Variants in CD84 observed in about 807,000 individuals in gnomAD.
CD84 encodes the protein SLAM family member 5.
A neutral mutation model predicts 33.8 loss-of-function variants in CD84; 22 were observed. The observed-to-expected ratio is 0.65, with a 90% CI of 0.46 to 0.93. CD84 has a LOEUF of 0.93. Among genes scored for constraint, CD84 ranks in the 40% least tolerant of loss-of-function variants. The pLI is 0.00. For missense variants in CD84, 400 were observed against 397.6 expected, an observed-to-expected ratio of 1.01 and a Z score of -0.05; for synonymous variants, 154 against 145.2, an observed-to-expected ratio of 1.06 and a Z score of -0.44.
Position 160,553,448 on chromosome 1 carries a change from C to T in CD84, c.690G>A (p.Leu230=), listed in dbSNP as rs761037395. The change falls in exon 4 of 7, where the codon CTG becomes CTA. Residue 230 remains leucine, a synonymous_variant. Coordinates refer to ENST00000368054, the MANE Select transcript of CD84 (RefSeq NM_003874.4). ...TGAGAACAAGCAGAAAGAACATAGCCAGCACGCTCAGCAACCCGGTGTGGT... is the reference window on the plus strand; with the variant it reads ...TGAGAACAAGCAGAAAGAACATAGCTAGCACGCTCAGCAACCCGGTGTGGT... ...RTHHTGLLSV[L]AMFFLLVLIL... 1.2e-5 allele frequency: 20 copies of T among 1,613,906 alleles called. No individual in the cohort carries two copies. The highest frequency in any genetic ancestry group is 4.0e-5 in the African/African-American group (3 of 74,866).
At chr1:160,576,439 C>G (rs921413915) in intron 1 of CD84, among the ~76,000 whole-genome samples, 1 of 152,136 alleles carries the variant, frequency 6.6e-6, no homozygotes, top group Admixed American at 6.5e-5. Context: ...GCCTCACTGC[C>G]CTGCCTAAAC....
intron 2 of CD84, among the ~76,000 whole-genome samples, chr1:160,562,596 A>G (rs1657051803): frequency 6.6e-6 from 1 of 152,212 alleles, no homozygotes. Context: ...ACTTAAATGT[A>G]AAGCCCCAAA....
At chr1:160,565,782 G>C (rs766021505) in intron 1 of CD84, 37 bp from the exon 2 acceptor site, 1 of 1,483,124 alleles carries the variant, frequency 6.7e-7, no homozygotes, top group Non-Finnish European at 9.0e-7. Context: ...CCATCTGACT[G>C]TTGCAGCTTT....
rs59102444 is a variant in CD84, at chr1:160,553,261, G to T, written c.760+117C>A. ...TCTGGGAGGTGGTGGGGTGGAGATC[G>T]GAAAAAGGCAGATTCCCTGGAACAA... On this transcript the variant is annotated intron_variant, in intron 4 of 6. Coordinates refer to ENST00000368054, the MANE Select transcript of CD84 (RefSeq NM_003874.4). 9.7e-3 allele frequency: 15,031 copies of T among 1,550,884 alleles called. 1,167 individuals carry two copies. The African/African-American group carries it at 0.17, about 18-fold the overall frequency.
chr1:160,549,977 C>A lies in CD84; in HGVS notation c.861G>T (p.Val287=), dbSNP rs1656092002. 2 of 1,608,532 alleles carry A rather than the reference C, an allele frequency of 1.2e-6. No homozygotes were observed. Among genetic ancestry groups the A allele is most frequent in the African/African-American group, 1.3e-5 (1 of 74,622 alleles). ...RIYDEILQSK[V]LPSKEEPVNT... ...TCACTGGCTCTTCCTTGGAGGGAAG[C>A]ACCTGTAAAACACACATCTTCCCCT... is the stretch of plus-strand genomic sequence containing the variant. The change falls in exon 6 of 7, where the codon GTG becomes GTT. Residue 287 remains valine (V), a splice_region_variant and synonymous_variant. Coordinates refer to ENST00000368054, the MANE Select transcript of CD84 (RefSeq NM_003874.4).
In CD84 at chr1:160,546,021, C is replaced by A. The variant is rs546671570; in HGVS notation, c.*2235G>T. ...TTTTTTTTCGAGATGGAGTCTCACT[C>A]TGTCTCTCCCAGGCTGGAGTGCAGT... is the stretch of plus-strand genomic sequence containing the variant. On this transcript the variant is annotated 3_prime_UTR_variant, in exon 7 of 7. Coordinates refer to ENST00000368054, the MANE Select transcript of CD84 (RefSeq NM_003874.4). The A allele has an allele frequency of 6.7e-6, 1 of 150,008 alleles. No homozygotes were observed. Among genetic ancestry groups the A allele is most frequent in the Non-Finnish European group, 1.5e-5 (1 of 67,554 alleles). 9.3% of individuals were successfully genotyped at this position (150,008 alleles called of 1,614,324 possible). A position where few individuals can be genotyped will look rare whatever the true frequency, so the allele number is the denominator to read the frequency against.
At chr1:160,552,811 G>T in intron 4 of CD84, 1 of 1,158,754 alleles carries the variant, frequency 8.6e-7, no homozygotes, top group South Asian at 1.3e-5. Flanking sequence ...TGATTGGTGG[G>T]AAAAGGAAGT....
chr1:160,574,330 G>C (rs1030685500), intron 1 of CD84, among the ~76,000 whole-genome samples: 8 of 151,980 alleles, frequency 5.3e-5, no homozygotes, highest in African/African-American at 1.9e-4. Flanking sequence ...ATTCTATACT[G>C]TTTGTGAAGA....
rs765931708 is a variant in CD84, at chr1:160,579,407, G to C, written c.31C>G (p.Leu11Val). Reference sequence around the variant, plus strand: ...CAGAACTCACAGGTTTGCAGGCAAAGGAGCAAGATCCATAGGTGGTGCTGA... The same window carrying C: ...CAGAACTCACAGGTTTGCAGGCAAACGAGCAAGATCCATAGGTGGTGCTGA... MAQHHLWILL[L>V]CLQTWPEAAG... The change falls in exon 1 of 7, where the codon CTT (leucine) becomes GTT (valine). Residue 11 changes from leucine (L) to valine (V), a missense_variant. Physicochemically the swap from Leu to Val is conservative, Grantham distance 32. Coordinates refer to ENST00000368054, the MANE Select transcript of CD84 (RefSeq NM_003874.4). The C allele has an allele frequency of 6.2e-7, 1 of 1,613,152 alleles. No homozygotes were observed.
chr1:160,550,602 A>G (rs1656143869), intron 5 of CD84: 12 of 984,566 alleles, frequency 1.2e-5, no homozygotes, highest in Non-Finnish European at 1.4e-5. Flanking sequence ...GTCACATAGC[A>G]GCCCTCACCT....
intron 1 of CD84, among the ~76,000 whole-genome samples, chr1:160,576,009 A>G (rs76576863): frequency 0.038 from 5,718 of 152,056 alleles, 181 homozygotes; most frequent in African/African-American, 0.075. Context: ...ATATATTTCC[A>G]TTTCTATAAC....
chr1:160,561,416 AC>A (rs112326853), intron 2 of CD84, among the ~76,000 whole-genome samples: 5,057 of 152,216 alleles, frequency 0.033, 286 homozygotes, highest in African/African-American at 0.12. Flanking sequence ...GACAAAACCC[AC>A]AGATCATCTC....
intron 5 of CD84, chr1:160,550,529 G>A (rs77900769): frequency 0.021 from 15,494 of 720,700 alleles, 200 homozygotes; most frequent in Non-Finnish European, 0.024. Flanking sequence ...GGCATTCAAG[G>A]GAACTTGTCT....
At chr1:160,550,068 C>G in intron 5 of CD84, 89 bp from the exon 6 acceptor site, 1 of 909,308 alleles carries the variant, frequency 1.1e-6, no homozygotes, top group Non-Finnish European at 1.8e-6. Context: ...CACCATCCTT[C>G]CCTGGTCCCA....
intron 1 of CD84, among the ~76,000 whole-genome samples, chr1:160,575,924 G>A (rs1303406172): frequency 2.6e-5 from 4 of 152,160 alleles, no homozygotes; most frequent in Non-Finnish European, 4.4e-5. Flanking sequence ...GAAGGCCTGA[G>A]TTATCACAGG....
rs1656373821 is a variant in CD84 at position 160,553,410 on chromosome 1, A to C, written c.728T>G (p.Val243Gly). The change falls in exon 4 of 7, where the codon GTG becomes GGG. Residue 243 changes from valine to glycine, a missense_variant. Val to Gly is a moderately radical substitution (Grantham distance 109). Transcript: ENST00000368054. Reference sequence around the variant, plus strand: ...TCTCTTGAACAAACGGAACAAAAACACTGAAGACAGAATGAGAACAAGCAG... The same window carrying C: ...TCTCTTGAACAAACGGAACAAAAACCCTGAAGACAGAATGAGAACAAGCAG... ...FFLLVLILSS[V>G]FLFRLFKRRQ... The C allele has an allele frequency of 2.5e-6, 4 of 1,613,972 alleles. No homozygotes were observed. The highest frequency in any genetic ancestry group is 3.4e-6 in the Non-Finnish European group (4 of 1,180,016).
intron 2 of CD84, among the ~76,000 whole-genome samples, chr1:160,560,795 A>C (rs1395893219): frequency 2.6e-5 from 4 of 152,158 alleles, no homozygotes; most frequent in African/African-American, 9.7e-5. Context: ...AAACACAATA[A>C]AAAATGATAA....
intron 5 of CD84, 119 bp from the exon 6 acceptor site, chr1:160,550,098 C>A: frequency 1.3e-6 from 1 of 747,566 alleles, no homozygotes; most frequent in Non-Finnish European, 2.4e-6. Flanking sequence ...GGTGGCCTCC[C>A]CTTTGGCCTC....
chr1:160,566,219 T>C (rs1421297399), intron 1 of CD84, among the ~76,000 whole-genome samples: 1 of 152,206 alleles, frequency 6.6e-6, no homozygotes, highest in African/African-American at 2.4e-5. Flanking sequence ...CTTTTGTCTC[T>C]TTTCTTGGAA....
Sources: allele counts gnomAD v4.1 joint callset (sites outside exome capture counted in the v4.1 genomes callset), GRCh38; gene constraint gnomAD v4.1.1; transcripts MANE v1.5; gene names NCBI Gene and HGNC (gene_info 2026-07-23, HGNC 2026-07-21).